PTPRD: variants seen among roughly 807,000 people sequenced by gnomAD.
PTPRD encodes the protein receptor-type tyrosine-protein phosphatase delta.
Under a neutral mutation model 214.5 loss-of-function variants are expected in PTPRD, and 34 were observed. That is an observed-to-expected ratio of 0.16 (90% CI 0.12 to 0.21). The LOEUF is 0.21. Ranked by LOEUF, PTPRD falls within the 10% of genes least tolerant of loss-of-function variation. PTPRD has a pLI of 1.00. For missense variants in PTPRD, 2,545 were observed against 2,398.7 expected (o/e 1.06, Z -1.27); for synonymous variants, 1,128 against 845.7 (o/e 1.33, Z -5.79).
intron 8 of PTPRD, among the ~76,000 whole-genome samples, chr9:9,516,394 C>T (rs557364952): frequency 2.6e-5 from 4 of 151,796 alleles, no homozygotes; most frequent in East Asian, 1.9e-4. Flanking sequence ...TGAACTTGAT[C>T]GAGAAAAGAT....
chr9:9,839,581 T>A (rs1187123269), intron 5 of PTPRD, among the ~76,000 whole-genome samples: 2 of 152,138 alleles, frequency 1.3e-5, no homozygotes, highest in African/African-American at 4.8e-5. Context: ...GAACATTCCA[T>A]GTTCATGGGT....
At chr9:8,530,093 T>A (rs1465412398) in intron 14 of PTPRD, among the ~76,000 whole-genome samples, 1 of 152,034 alleles carries the variant, frequency 6.6e-6, no homozygotes, top group Non-Finnish European at 1.5e-5. Context: ...AGCTCCAGTA[T>A]AATCCATGAA....
chr9:8,892,629 ATG>A lies in PTPRD; in HGVS notation c.-104+126066_-104+126067del, dbSNP rs573229941. ...TGTGTGTATATATATGTGTATATATATGTGTGTATATATATGTGTATATATAT... is the reference window on the plus strand; with the variant it reads ...TGTGTGTATATATATGTGTATATATATGTGTATATATATGTGTATATATAT... On this transcript the variant is annotated intron_variant, in intron 11 of 45. Coordinates refer to ENST00000381196, the MANE Select transcript of PTPRD (RefSeq NM_002839.4). Among the ~76,000 whole-genome samples, 83 of 148,570 alleles carry A rather than the reference ATG, an allele frequency of 5.6e-4. 2 individuals are homozygous for A. The South Asian group carries it at 0.017, about 31-fold the overall frequency.
At chr9:10,106,114 C>G (rs552892552) in intron 3 of PTPRD, among the ~76,000 whole-genome samples, 1 of 150,450 alleles carries the variant, frequency 6.6e-6, no homozygotes, top group Non-Finnish European at 1.5e-5. Context: ...AAATATTGCA[C>G]TTATTGAATT....
intron 9 of PTPRD, among the ~76,000 whole-genome samples, chr9:9,381,263 C>G (rs1009678961): frequency 6.6e-6 from 1 of 151,250 alleles, no homozygotes; most frequent in Non-Finnish European, 1.5e-5. Context: ...GTTCTTTGTT[C>G]TCATTTGTGT....
At chr9:10,530,382 T>C (rs1217246266) in intron 2 of PTPRD, among the ~76,000 whole-genome samples, 1 of 152,166 alleles carries the variant, frequency 6.6e-6, no homozygotes, top group Non-Finnish European at 1.5e-5. Context: ...ATGCAAAAAG[T>C]TTAAACCCCA....
chr9:10,326,841 T>C (rs1207584831), intron 3 of PTPRD, among the ~76,000 whole-genome samples: 2 of 151,526 alleles, frequency 1.3e-5, no homozygotes, highest in Non-Finnish European at 3.0e-5. Flanking sequence ...GACAATTTTC[T>C]ATTTATGATC....
chr9:9,141,330 T>C (rs1364821849), intron 10 of PTPRD, among the ~76,000 whole-genome samples: 1 of 151,576 alleles, frequency 6.6e-6, no homozygotes, highest in Non-Finnish European at 1.5e-5. Context: ...ACCTGGATAC[T>C]TGCACTGGAC....
chr9:9,400,701 A>C (rs2070014053), intron 8 of PTPRD, among the ~76,000 whole-genome samples: 1 of 152,062 alleles, frequency 6.6e-6, no homozygotes, highest in Non-Finnish European at 1.5e-5. Flanking sequence ...GAAGGAAGAT[A>C]CTGTAAACAA....
intron 3 of PTPRD, among the ~76,000 whole-genome samples, chr9:10,113,470 G>T (rs372001160): frequency 1.3e-5 from 2 of 152,092 alleles, no homozygotes; most frequent in African/African-American, 4.8e-5. Flanking sequence ...TCCAACTTCA[G>T]AAGTCAAATA....
At chr9:9,372,496 C>A (rs540188807) in intron 9 of PTPRD, among the ~76,000 whole-genome samples, 1 of 152,004 alleles carries the variant, frequency 6.6e-6, no homozygotes, top group Non-Finnish European at 1.5e-5. Context: ...TTATTTTGAG[C>A]CTACGTGTGT....
chr9:8,706,716 G>A (rs1303485515), intron 12 of PTPRD, among the ~76,000 whole-genome samples: 1 of 152,166 alleles, frequency 6.6e-6, no homozygotes, highest in African/African-American at 2.4e-5. Context: ...CCCAAGCAAA[G>A]CACAACAAAC....
At chr9:8,981,933 A>G (rs2099314707) in intron 11 of PTPRD, among the ~76,000 whole-genome samples, 1 of 152,018 alleles carries the variant, frequency 6.6e-6, no homozygotes, top group Admixed American at 6.6e-5. Flanking sequence ...TTGATTTTCC[A>G]CTGACTCTCT....
rs141484923 is a variant in PTPRD, at chr9:9,768,062, G to C, written c.-367-1211C>G. On this transcript the variant is annotated intron_variant, in intron 5 of 45. Transcript: ENST00000381196. ...TAATAATTAGCAACAGGATGTTGTTGCTTAAAATACATTTATGCTTGTGGT... is the reference window on the plus strand; with the variant it reads ...TAATAATTAGCAACAGGATGTTGTTCCTTAAAATACATTTATGCTTGTGGT... Among the ~76,000 whole-genome samples, 809 of 152,238 alleles carry C rather than the reference G, an allele frequency of 5.3e-3. 11 individuals are homozygous for C. The highest frequency in any genetic ancestry group is 0.019 in the African/African-American group (774 of 41,562).
chr9:8,605,796 T>A (rs945912861), intron 14 of PTPRD, among the ~76,000 whole-genome samples: 1 of 152,152 alleles, frequency 6.6e-6, no homozygotes, highest in Non-Finnish European at 1.5e-5. Flanking sequence ...TGCTCATCTC[T>A]ATGGAAGTTG....
intron 11 of PTPRD, among the ~76,000 whole-genome samples, chr9:8,864,571 G>A (rs918752291): frequency 6.6e-6 from 1 of 152,146 alleles, no homozygotes; most frequent in Non-Finnish European, 1.5e-5. Flanking sequence ...ATTTTTAAAG[G>A]TTCTTTCTAA....
At chr9:10,567,975 T>G (rs1158794096) in intron 2 of PTPRD, among the ~76,000 whole-genome samples, 1 of 151,878 alleles carries the variant, frequency 6.6e-6, no homozygotes, top group Non-Finnish European at 1.5e-5. Flanking sequence ...AAAATTTTAT[T>G]ATTATTATCC....
At chr9:8,634,459 T>A (rs1173331521) in intron 13 of PTPRD, among the ~76,000 whole-genome samples, 2 of 152,064 alleles carry the variant, frequency 1.3e-5, no homozygotes, top group South Asian at 2.1e-4. Context: ...AGATTTTGTG[T>A]GTGCATGTGT....
intron 2 of PTPRD, among the ~76,000 whole-genome samples, chr9:10,505,687 TAA>T (rs35344275): frequency 2.1e-4 from 31 of 145,842 alleles, no homozygotes; most frequent in Middle Eastern, 7.1e-3. Flanking sequence ...AACAAAAAGT[TAA>T]AAAAAAAAAA....
Sources: gnomAD v4.1 joint callset for allele counts (sites outside exome capture counted in the v4.1 genomes callset) on GRCh38, gnomAD v4.1.1 for gene constraint, MANE v1.5 for transcripts, NCBI Gene and HGNC (gene_info 2026-07-23, HGNC 2026-07-21) for gene names.